Variants in ZZEF1 observed in about 807,000 individuals in gnomAD.
ZZEF1 encodes the protein zinc finger ZZ-type and EF-hand domain-containing protein 1.
Under a neutral mutation model 342.8 loss-of-function variants are expected in ZZEF1, and 157 were observed. The ratio of observed to expected loss-of-function variants is 0.46; its 90% CI spans 0.40 to 0.52. ZZEF1 has a LOEUF of 0.52. ZZEF1 is among the 20% of genes least tolerant of loss of function. ZZEF1 has a pLI of 0.00. For synonymous variants in ZZEF1, 1,505 were observed against 1,429.1 expected (o/e 1.05, Z -1.20); for missense variants, 3,480 against 3,725.6 (o/e 0.93, Z 1.72).
At chr17:4,120,503 G>A (rs554534574) in intron 2 of ZZEF1, among the ~76,000 whole-genome samples, 1 of 152,280 alleles carries the variant, frequency 6.6e-6, no homozygotes, top group Non-Finnish European at 1.5e-5. Context: ...CAATCACAAG[G>A]CAAAGTCCCA....
In ZZEF1 at chr17:4,017,462, C is replaced by G. The variant is rs2056136944; in HGVS notation, c.7910G>C (p.Ser2637Thr). 5 of 1,614,252 alleles carry G rather than the reference C, an allele frequency of 3.1e-6. No individual in the cohort carries two copies. In the South Asian group the frequency reaches 5.5e-5, roughly 18 times the overall value. The change falls in exon 48 of 55, where the codon AGC becomes ACC. Residue 2637 changes from serine to threonine, a missense_variant. By Grantham distance (58) the Ser-to-Thr change is moderately conservative (BLOSUM62 1). Transcript: ENST00000381638. The surrounding 1 kb of genome is among the most constrained non-coding windows in gnomAD (Gnocchi z 5.1). Reference protein sequence around the residue: ...LAEWPSHVPVSEDILELSGPA... With the variant: ...LAEWPSHVPVTEDILELSGPA... ...GCCACTGAGCTCCAGGATGTCCTCG[C>G]TCACTGGCACGTGGCTAGGCCACTC... is the stretch of plus-strand genomic sequence containing the variant.
At chr17:4,036,640 G>A (rs1327147034) in intron 39 of ZZEF1, among the ~76,000 whole-genome samples, 1 of 151,658 alleles carries the variant, frequency 6.6e-6, no homozygotes, top group Non-Finnish European at 1.5e-5. Context: ...GCTGAGGCAG[G>A]AGAATCACTT....
chr17:4,140,743 C>A (rs1221910017), intron 1 of ZZEF1, among the ~76,000 whole-genome samples: 1 of 152,174 alleles, frequency 6.6e-6, no homozygotes, highest in Non-Finnish European at 1.5e-5. Context: ...GTGTTTCTCT[C>A]CATTTGCCTT....
rs769751993 is a variant in ZZEF1, at chr17:4,142,688, C to G, written c.208G>C (p.Glu70Gln). The G allele has an allele frequency of 2.6e-4, 415 of 1,606,000 alleles. 1 individual carries two copies. The highest frequency in any genetic ancestry group is 3.4e-4 in the Non-Finnish European group (405 of 1,179,184). Residue 70 changes from glutamate (E) to glutamine (Q), a missense_variant, in exon 1 of 55, where the codon GAG becomes CAG. Transcript: ENST00000381638. Reference sequence around the variant, plus strand: ...CCGCGATGCCTCGACACCAGCGACTCGCAGGGGGGTGTGGGCAGCAACGCT... The same window carrying G: ...CCGCGATGCCTCGACACCAGCGACTGGCAGGGGGGTGTGGGCAGCAACGCT... The part of the protein sequence containing the change: ...AAALLPTPPC[E>Q]SLVSRHRGAL...
intron 51 of ZZEF1, 62 bp from the exon 52 acceptor site, chr17:4,013,676 T>C (rs1297062778): frequency 6.9e-7 from 1 of 1,449,910 alleles, no homozygotes; most frequent in Admixed American, 2.3e-5. Flanking sequence ...ATATTATTAT[T>C]AAATAAAGTA....
rs753257418 is a variant in ZZEF1 at position 4,123,916 on chromosome 17, G to A, written c.490C>T (p.Leu164=). Residue 164 remains leucine (L), a synonymous_variant, in exon 2 of 55, where the codon CTG becomes TTG. Coordinates refer to ENST00000381638, the MANE Select transcript of ZZEF1 (RefSeq NM_015113.4). ...TAGATGGAAGCCTCACCTGGAACCAGAGAGCAGGCCTGTAGTTGTCTGATG... is the reference window on the plus strand; with the variant it reads ...TAGATGGAAGCCTCACCTGGAACCAAAGAGCAGGCCTGTAGTTGTCTGATG... ...HIIRQLQACS[L]VPGFTDIFSE... The A allele has an allele frequency of 4.3e-6, 7 of 1,613,464 alleles. No individual in the cohort carries two copies. Among genetic ancestry groups the A allele is most frequent in the Non-Finnish European group, 5.9e-6 (7 of 1,179,792 alleles).
At chr17:4,065,143 C>T (rs552552864) in intron 28 of ZZEF1, among the ~76,000 whole-genome samples, 5 of 152,276 alleles carry the variant, frequency 3.3e-5, no homozygotes, top group African/African-American at 1.2e-4. Context: ...GTGGCTCACG[C>T]CTGTAATCCC....
At chr17:4,009,028 A>G (rs1017404544) in intron 53 of ZZEF1, 74 bp from the exon 54 acceptor site, 1 of 1,501,842 alleles carries the variant, frequency 6.7e-7, no homozygotes, top group Non-Finnish European at 8.9e-7. Context: ...CACCTGGGAC[A>G]CCTGCTTGCG....
chr17:4,142,426 G>T, intron 1 of ZZEF1, 116 bp downstream of exon 1: 1 of 1,115,102 alleles, frequency 9.0e-7, no homozygotes, highest in Non-Finnish European at 1.3e-6. Context: ...TGAAAAGCTG[G>T]AAACACCTCA....
In ZZEF1 at chr17:4,076,718, G is replaced by A; in HGVS notation, c.3153C>T (p.His1051=). ...CGCTGAACTCTCTCAAGAGCACGCA[G>A]TGTGGGATGTCTAAAGTGCAGAAGT... The part of the protein sequence containing the change: ...LLDFCTLDIP[H]CVLLREFSVL... Residue 1051 remains histidine (H), a synonymous_variant, in exon 21 of 55, where the codon CAC becomes CAT. Transcript: ENST00000381638. 6.2e-7 allele frequency: 1 copy of A among 1,612,966 alleles called. No homozygotes were observed. The highest frequency in any genetic ancestry group is 8.5e-7 in the Non-Finnish European group (1 of 1,178,966).
chr17:4,076,468 C>T (rs761916802), intron 21 of ZZEF1, 169 bp downstream of exon 21: 5 of 832,460 alleles, frequency 6.0e-6, no homozygotes, highest in Admixed American at 2.9e-5. Flanking sequence ...CAGGCCACAT[C>T]GACTTGGACT....
At chr17:4,058,945 A>G (rs1374279596) in intron 31 of ZZEF1, among the ~76,000 whole-genome samples, 1 of 152,076 alleles carries the variant, frequency 6.6e-6, no homozygotes, top group Non-Finnish European at 1.5e-5. Flanking sequence ...AAAAACCCAG[A>G]CTCATCCCCT....
In ZZEF1 at chr17:4,070,777, C is replaced by A; in HGVS notation, c.3982G>T (p.Val1328Phe). The A allele has an allele frequency of 1.9e-6, 3 of 1,614,114 alleles. No individual in the cohort carries two copies. The highest frequency in any genetic ancestry group is 2.5e-6 in the Non-Finnish European group (3 of 1,180,024). The change falls in exon 26 of 55, where the codon GTT becomes TTT. Residue 1328 changes from valine (V) to phenylalanine (F), a missense_variant. Around this residue, in one of 5 missense-constraint regions of ZZEF1, gnomAD observed 1,528 missense variants for 1,624.1 expected, o/e 0.94. Transcript: ENST00000381638. ...GCTTGATCAATAGTGGAACCAGCAA[C>A]TATATCTGTCTTTGGGGCCTGTTTT... ...CRKQAPKTDI[V>F]AGSTIDQAVN...
At chr17:4,057,378 C>T (rs1330199618) in intron 32 of ZZEF1, among the ~76,000 whole-genome samples, 1 of 152,160 alleles carries the variant, frequency 6.6e-6, no homozygotes, top group African/African-American at 2.4e-5. Flanking sequence ...GGTGTTGACT[C>T]ATTCACTTCT....
intron 6 of ZZEF1, among the ~76,000 whole-genome samples, chr17:4,108,426 A>G (rs1740079557): frequency 1.3e-5 from 2 of 152,180 alleles, no homozygotes; most frequent in African/African-American, 4.8e-5. Flanking sequence ...ATACTGAGGA[A>G]AGTCAAGGAA....
intron 26 of ZZEF1, 109 bp downstream of exon 26, chr17:4,070,575 T>C (rs1213854027): frequency 4.7e-6 from 6 of 1,281,142 alleles, no homozygotes; most frequent in East Asian, 5.1e-5. Flanking sequence ...TTTACAGTTA[T>C]AGAAATGTGT....
At chr17:4,029,994 G>A (rs1207337692) in intron 42 of ZZEF1, among the ~76,000 whole-genome samples, 3 of 147,788 alleles carry the variant, frequency 2.0e-5, no homozygotes, top group African/African-American at 7.5e-5. Flanking sequence ...CCAGCAGTTT[G>A]AGATCAACCT....
intron 8 of ZZEF1, 93 bp downstream of exon 8, chr17:4,104,540 T>G (rs2145447735): frequency 3.3e-5 from 46 of 1,387,594 alleles, no homozygotes; most frequent in South Asian, 4.0e-5. Context: ...CCCAAAAAGA[T>G]GAGAAGATAC....
chr17:4,072,857 T>C lies in ZZEF1; in HGVS notation c.3686-101A>G, dbSNP rs1283661411. On this transcript the variant is annotated intron_variant, in intron 24 of 54. Coordinates refer to ENST00000381638, the MANE Select transcript of ZZEF1 (RefSeq NM_015113.4). ...AGGTTAAAAAAAACCATGGATACTA[T>C]TAAAACTTAGAGAAAGTTTACCCAC... is the stretch of plus-strand genomic sequence containing the variant. 6.4e-6 allele frequency: 8 copies of C among 1,251,924 alleles called. 1 individual carries two copies. The South Asian group carries it at 9.6e-5, about 15-fold the overall frequency. The allele number at this position is 1,251,924 out of a possible 1,614,324, so 77.6% of individuals were successfully genotyped here.
Sources: gnomAD v4.1 joint callset for allele counts (sites outside exome capture counted in the v4.1 genomes callset) on GRCh38, gnomAD v4.1.1 for gene constraint, gnomAD v4.1.1 regional missense constraint, Gnocchi (gnomAD v3.1) non-coding constraint, MANE v1.5 for transcripts, NCBI Gene and HGNC (gene_info 2026-07-23, HGNC 2026-07-21) for gene names.